Variants in ABCB1 observed in about 807,000 individuals in gnomAD.
ABCB1 encodes the protein ATP binding cassette subfamily B member 1.
A neutral mutation model predicts 142.0 loss-of-function variants in ABCB1; 69 were observed. That is an observed-to-expected ratio of 0.49 (90% CI 0.40 to 0.59). ABCB1 has a LOEUF of 0.59. Ranked by LOEUF, ABCB1 falls within the 20% of genes least tolerant of loss-of-function variation. ABCB1 has a pLI of 0.00. For synonymous variants in ABCB1, 532 were observed against 539.2 expected (o/e 0.99, Z 0.18); for missense variants, 1,326 against 1,554.7 (o/e 0.85, Z 2.47).
At chr7:87,684,544 C>T (rs753721096) in intron 1 of ABCB1, among the ~76,000 whole-genome samples, 6 of 151,714 alleles carry the variant, frequency 4.0e-5, no homozygotes, top group Non-Finnish European at 5.9e-5. Context: ...GTCAAGAGAT[C>T]GAGACCATCC....
At chr7:87,695,975 G>A (rs1485865883) in intron 1 of ABCB1, among the ~76,000 whole-genome samples, 1 of 152,052 alleles carries the variant, frequency 6.6e-6, no homozygotes, top group East Asian at 1.9e-4. Flanking sequence ...TAATCACATA[G>A]CTGGTCAGTA....
intron 1 of ABCB1, among the ~76,000 whole-genome samples, chr7:87,608,633 G>A (rs1483604209): frequency 6.6e-6 from 1 of 152,072 alleles, no homozygotes; most frequent in Non-Finnish European, 1.5e-5. Context: ...CTTTTGAATT[G>A]CAGAGCTTAT....
chr7:87,564,152 C>T (rs1196152750), intron 7 of ABCB1: 1 of 451,974 alleles, frequency 2.2e-6, no homozygotes, highest in Admixed American at 2.4e-5. Context: ...CACTTACACC[C>T]CTGAACTTAA....
intron 21 of ABCB1, chr7:87,521,635 G>A (rs1815514211): frequency 2.5e-6 from 2 of 789,506 alleles, no homozygotes; most frequent in Non-Finnish European, 2.3e-6. Context: ...AAGGGACTTT[G>A]GGTTTGTCAC....
intron 1 of ABCB1, among the ~76,000 whole-genome samples, chr7:87,622,821 G>C (rs55789004): frequency 6.6e-6 from 1 of 151,902 alleles, no homozygotes; most frequent in African/African-American, 2.4e-5. Context: ...GCATGAGACC[G>C]GGAGTTCATG....
intron 21 of ABCB1, among the ~76,000 whole-genome samples, chr7:87,526,436 T>G (rs546375794): frequency 6.6e-6 from 1 of 152,098 alleles, no homozygotes; most frequent in South Asian, 2.1e-4. Flanking sequence ...ATCCTAGCAC[T>G]TTGGGAGACT....
chr7:87,516,989 A>G (rs1428809685), intron 23 of ABCB1, among the ~76,000 whole-genome samples: 1 of 152,080 alleles, frequency 6.6e-6, no homozygotes. Context: ...CTCCTGCTTC[A>G]GCCTCCAAAA....
At chr7:87,559,536 T>C (rs958601315) in intron 8 of ABCB1, among the ~76,000 whole-genome samples, 1 of 152,180 alleles carries the variant, frequency 6.6e-6, no homozygotes, top group African/African-American at 2.4e-5. Context: ...CTTTATTTTC[T>C]ATTAAATTAA....
rs201725784 is a variant in ABCB1, at chr7:87,550,194, G to A, written c.1327C>T (p.Leu443Phe). 3.7e-6 allele frequency: 6 copies of A among 1,614,174 alleles called. No homozygotes were observed. In the East Asian group the frequency reaches 1.1e-4, roughly 30 times the overall value. ...KSTTVQLMQRLYDPTEGMVSV... is the reference protein window; with the variant it reads ...KSTTVQLMQRFYDPTEGMVSV... ...ACCATCCCCTCTGTGGGGTCATAGA[G>A]CCTCTGCATCAGCTGGACTGTTGTG... The change falls in exon 12 of 28, where the codon CTC becomes TTC. Residue 443 changes from leucine (L) to phenylalanine (F), a missense_variant. Coordinates refer to ENST00000622132, the MANE Select transcript of ABCB1 (RefSeq NM_001348946.2).
chr7:87,627,620 A>AG (rs1820743590), intron 1 of ABCB1: 1 of 152,280 alleles, frequency 6.6e-6, no homozygotes, highest in African/African-American at 2.4e-5. Context: ...AACGGTGGGT[A>AG]GTGAGAAGCT....
intron 1 of ABCB1, among the ~76,000 whole-genome samples, chr7:87,657,083 A>C (rs1246400520): frequency 6.6e-6 from 1 of 152,190 alleles, no homozygotes; most frequent in African/African-American, 2.4e-5. Flanking sequence ...CACTAAGTAC[A>C]ATAATAAACC....
chr7:87,537,526 T>C (rs1341530236), intron 19 of ABCB1, among the ~76,000 whole-genome samples: 3 of 152,088 alleles, frequency 2.0e-5, no homozygotes, highest in Non-Finnish European at 4.4e-5. Context: ...AAACAACTAG[T>C]AGAACGGAGC....
chr7:87,693,034 G>A (rs189366754), intron 1 of ABCB1, among the ~76,000 whole-genome samples: 115 of 152,248 alleles, frequency 7.6e-4, no homozygotes, highest in African/African-American at 2.7e-3. Flanking sequence ...TTTTATAAAG[G>A]ATCTAAGTGT....
chr7:87,539,491 A>G (rs991691709), intron 18 of ABCB1, 146 bp from the exon 19 acceptor site: 1 of 853,276 alleles, frequency 1.2e-6, no homozygotes, highest in Middle Eastern at 2.3e-4. Flanking sequence ...ACTGTGTGCC[A>G]TGGCACAAGG....
At chr7:87,527,932 A>G (rs1484850664) in intron 21 of ABCB1, among the ~76,000 whole-genome samples, 1 of 152,194 alleles carries the variant, frequency 6.6e-6, no homozygotes, top group East Asian at 1.9e-4. Flanking sequence ...AAAGAGGTTT[A>G]ATGGACTCAC....
intron 8 of ABCB1, among the ~76,000 whole-genome samples, chr7:87,557,543 A>G (rs1036545504): frequency 1.6e-4 from 25 of 152,236 alleles, no homozygotes; most frequent in African/African-American, 5.5e-4. Flanking sequence ...TTTTCTGAAG[A>G]AATGATTCCA....
chr7:87,628,810 G>C, intron 1 of ABCB1: 1 of 1,234,210 alleles, frequency 8.1e-7, no homozygotes, highest in South Asian at 4.1e-5. Flanking sequence ...AAGGGGCACG[G>C]GGGTAAGCCC....
chr7:87,503,325 A>AT lies in ABCB1; in HGVS notation c.*917dup, dbSNP rs1350782896. Among the ~76,000 whole-genome samples, 4 of 151,824 alleles carry AT rather than the reference A, an allele frequency of 2.6e-5. No individual in the cohort carries two copies. Among genetic ancestry groups the AT allele is most frequent in the African/African-American group, 4.8e-5 (2 of 41,310 alleles). On this transcript the variant is annotated 3_prime_UTR_variant, in exon 28 of 28. Coordinates refer to ENST00000622132, the MANE Select transcript of ABCB1 (RefSeq NM_001348946.2). ...TCCAGAGTCCCAACCTTTGGAATAT[A>AT]TTTTTTTCTTTTTTTATCATGTTTG...
At chr7:87,641,297 A>G (rs1463914219) in intron 1 of ABCB1, among the ~76,000 whole-genome samples, 1 of 152,196 alleles carries the variant, frequency 6.6e-6, no homozygotes, top group African/African-American at 2.4e-5. Flanking sequence ...GTTTACTAGT[A>G]CCCATGGCCA....
Sources: allele counts gnomAD v4.1 joint callset (sites outside exome capture counted in the v4.1 genomes callset), GRCh38; gene constraint gnomAD v4.1.1; transcripts MANE v1.5; gene names NCBI Gene and HGNC (gene_info 2026-07-23, HGNC 2026-07-21).